Variants in EPHB1 observed in about 807,000 individuals in gnomAD.
EPHB1 encodes EPH receptor B1.
EPHB1 carries 30 observed loss-of-function variants against 94.4 expected under a neutral mutation model. That is an observed-to-expected ratio of 0.32 (90% CI 0.24 to 0.43). The LOEUF is 0.43. Ranked by LOEUF, EPHB1 falls within the 20% of genes least tolerant of loss-of-function variation. The pLI, the probability that EPHB1 is intolerant of heterozygous loss-of-function variation, is 1.00. For missense variants in EPHB1, 1,055 were observed against 1,308.3 expected (o/e 0.81, Z 2.99); for synonymous variants, 522 against 489.1 (o/e 1.07, Z -0.89).
intron 1 of EPHB1, among the ~76,000 whole-genome samples, chr3:134,818,972 C>T (rs2036326851): frequency 6.6e-6 from 1 of 152,110 alleles, no homozygotes. Flanking sequence ...CTGAGGGCAG[C>T]CTGGCTGGAA....
At chr3:135,256,648 A>G (rs1206434473) in intron 15 of EPHB1, among the ~76,000 whole-genome samples, 1 of 152,144 alleles carries the variant, frequency 6.6e-6, no homozygotes, top group Non-Finnish European at 1.5e-5. Context: ...GGCTGCCCTT[A>G]ACATTTTTTC....
At chr3:135,073,660 T>A (rs1323420388) in intron 3 of EPHB1, among the ~76,000 whole-genome samples, 2 of 152,160 alleles carry the variant, frequency 1.3e-5, no homozygotes, top group East Asian at 3.8e-4. Context: ...AATGTCTCTG[T>A]CTTTCTCTCT....
chr3:134,915,747 C>T (rs1033365359), intron 1 of EPHB1, among the ~76,000 whole-genome samples: 2 of 152,118 alleles, frequency 1.3e-5, no homozygotes, highest in African/African-American at 4.8e-5. Context: ...TTGTTCTTTA[C>T]TCCTGGTGGG....
At chr3:134,990,600 G>A (rs151039614) in intron 3 of EPHB1, among the ~76,000 whole-genome samples, 2 of 152,236 alleles carry the variant, frequency 1.3e-5, no homozygotes, top group South Asian at 2.1e-4. Context: ...GCAGAGATCT[G>A]TCAGTATCTG....
intron 12 of EPHB1, among the ~76,000 whole-genome samples, chr3:135,238,320 T>C (rs1327655051): frequency 1.3e-5 from 2 of 152,178 alleles, no homozygotes; most frequent in Non-Finnish European, 2.9e-5. Flanking sequence ...GGGGCTCTTC[T>C]CAAAGGCTCA....
At chr3:135,086,312 CCTCAAGAGAAA>C (rs2107789222) in intron 3 of EPHB1, among the ~76,000 whole-genome samples, 1 of 151,500 alleles carries the variant, frequency 6.6e-6, no homozygotes, top group East Asian at 2.0e-4. Context: ...GGTAGGCACA[CCTCAAGAGAAA>C]CTCAGAAGTG....
At chr3:135,083,525 G>A (rs1938233492) in intron 3 of EPHB1, among the ~76,000 whole-genome samples, 1 of 151,902 alleles carries the variant, frequency 6.6e-6, no homozygotes, top group East Asian at 2.0e-4. Flanking sequence ...AAATACAGAA[G>A]AGAGGATGAA....
At chr3:135,167,539 C>G (rs1941684873) in intron 9 of EPHB1, among the ~76,000 whole-genome samples, 1 of 152,206 alleles carries the variant, frequency 6.6e-6, no homozygotes, top group South Asian at 2.1e-4. Flanking sequence ...ATTATCCTCT[C>G]TCTTTTATAA....
intron 1 of EPHB1, among the ~76,000 whole-genome samples, chr3:134,874,254 A>G (rs1240435599): frequency 2.0e-5 from 3 of 152,212 alleles, no homozygotes; most frequent in Non-Finnish European, 4.4e-5. Context: ...TCCTTAGCAA[A>G]CTAACACAGG....
intron 12 of EPHB1, among the ~76,000 whole-genome samples, chr3:135,223,338 G>A (rs993487713): frequency 6.6e-6 from 1 of 152,188 alleles, no homozygotes; most frequent in African/African-American, 2.4e-5. Context: ...TTCAACCACA[G>A]CAGCTCCTCT....
intron 5 of EPHB1, among the ~76,000 whole-genome samples, chr3:135,141,452 A>G (rs548525131): frequency 6.6e-6 from 1 of 152,278 alleles, no homozygotes; most frequent in African/African-American, 2.4e-5. Context: ...GTCCTCTGCT[A>G]TAAGGTGTCC....
At chr3:135,206,166 T>C (rs544162848) in intron 12 of EPHB1, among the ~76,000 whole-genome samples, 1 of 152,358 alleles carries the variant, frequency 6.6e-6, no homozygotes, top group African/African-American at 2.4e-5. Flanking sequence ...TTGCATTATA[T>C]TTAAGAGAAC....
At chr3:135,216,285 A>G (rs1285880796) in intron 12 of EPHB1, among the ~76,000 whole-genome samples, 2 of 152,150 alleles carry the variant, frequency 1.3e-5, no homozygotes, top group Non-Finnish European at 2.9e-5. Context: ...ATCTGCCCCC[A>G]TAACAACCCA....
At chr3:135,206,032 T>G (rs1004070144) in intron 12 of EPHB1, among the ~76,000 whole-genome samples, 8 of 152,190 alleles carry the variant, frequency 5.3e-5, no homozygotes, top group Non-Finnish European at 5.9e-5. Flanking sequence ...CCCCATTGCA[T>G]CCTCACCCAC....
At chr3:135,033,784 G>A (rs151029714) in intron 3 of EPHB1, among the ~76,000 whole-genome samples, 504 of 152,266 alleles carry the variant, frequency 3.3e-3, no homozygotes, top group Non-Finnish European at 5.9e-3. Flanking sequence ...AGACTAATAC[G>A]TTAGCTCTTT....
chr3:135,253,206 CTT>C (rs1933206853), intron 15 of EPHB1, among the ~76,000 whole-genome samples: 3 of 150,698 alleles, frequency 2.0e-5, no homozygotes, highest in Non-Finnish European at 3.0e-5. Flanking sequence ...TGCAGAAGCT[CTT>C]GAGTTTAATT....
chr3:135,054,454 G>T (rs1182881219), intron 3 of EPHB1, among the ~76,000 whole-genome samples: 1 of 152,122 alleles, frequency 6.6e-6, no homozygotes, highest in East Asian at 1.9e-4. Context: ...TAAATGCTTA[G>T]AAAGGGGCGC....
At chr3:135,231,587 G>A (rs1297396645) in intron 12 of EPHB1, among the ~76,000 whole-genome samples, 1 of 152,324 alleles carries the variant, frequency 6.6e-6, no homozygotes, top group South Asian at 2.1e-4. Flanking sequence ...GACCCCACCC[G>A]ATTGTAAATC....
intron 3 of EPHB1, among the ~76,000 whole-genome samples, chr3:135,062,455 T>G (rs2107777606): frequency 6.6e-6 from 1 of 152,330 alleles, no homozygotes; most frequent in African/African-American, 2.4e-5. Context: ...ATGCTGAGCA[T>G]TTTTTCATAT....
Sources: allele counts gnomAD v4.1 joint callset (sites outside exome capture counted in the v4.1 genomes callset), GRCh38; gene constraint gnomAD v4.1.1; transcripts MANE v1.5; gene names NCBI Gene and HGNC (gene_info 2026-07-23, HGNC 2026-07-21).